The following METTL15 variants were observed in gnomAD, a reference collection of about 807,000 sequenced individuals.
The protein encoded by METTL15 is 12S rRNA N(4)-cytidine methyltransferase METTL15.
In METTL15, 34 loss-of-function variants were observed where a neutral mutation model predicts 38.3. The ratio of observed to expected loss-of-function variants is 0.89; its 90% CI spans 0.68 to 1.18. The LOEUF (loss-of-function observed/expected upper bound fraction) is 1.18, where lower values mean the gene tolerates loss of function less well. Among genes scored for constraint, METTL15 ranks in the 50% most tolerant of loss-of-function variants. The pLI is 0.00. For missense variants in METTL15, 438 were observed against 498.4 expected, an observed-to-expected ratio of 0.88 and a Z score of 1.15; for synonymous variants, 162 against 170.9, an observed-to-expected ratio of 0.95 and a Z score of 0.41.
intron 3 of METTL15, among the ~76,000 whole-genome samples, chr11:28,177,159 A>G (rs1851107265): frequency 6.6e-6 from 1 of 152,000 alleles, no homozygotes; most frequent in Non-Finnish European, 1.5e-5. Context: ...CAGTGTGTGA[A>G]AGAATATATA....
intron 6 of METTL15, among the ~76,000 whole-genome samples, chr11:28,311,516 G>A (rs534481590): frequency 6.6e-6 from 1 of 152,262 alleles, no homozygotes; most frequent in Admixed American, 6.5e-5. Flanking sequence ...CAAGGATAGA[G>A]CAACCATATG....
intron 6 of METTL15, among the ~76,000 whole-genome samples, chr11:28,486,103 A>G (rs545030071): frequency 6.6e-6 from 1 of 152,322 alleles, no homozygotes; most frequent in African/African-American, 2.4e-5. Flanking sequence ...TAGCGCTATG[A>G]GAAGGGGAGT....
intron 4 of METTL15, among the ~76,000 whole-genome samples, chr11:28,269,652 C>T (rs1855565275): frequency 6.6e-6 from 1 of 152,142 alleles, no homozygotes; most frequent in Non-Finnish European, 1.5e-5. Flanking sequence ...CATTTGTTTA[C>T]TATCAGCACT....
At chr11:28,208,283 G>A (rs933945623) in intron 3 of METTL15, among the ~76,000 whole-genome samples, 3 of 152,146 alleles carry the variant, frequency 2.0e-5, no homozygotes, top group African/African-American at 4.8e-5. Flanking sequence ...TGCTTTGAAT[G>A]TGTCCCAGAG....
At chr11:28,308,579 T>A (rs1857159494) in intron 6 of METTL15, among the ~76,000 whole-genome samples, 1 of 152,202 alleles carries the variant, frequency 6.6e-6, no homozygotes, top group Non-Finnish European at 1.5e-5. Flanking sequence ...GTTCTTGAAA[T>A]TAGCTATAAC....
intron 5 of METTL15, among the ~76,000 whole-genome samples, chr11:28,395,901 A>G (rs577282591): frequency 2.6e-4 from 39 of 152,290 alleles, no homozygotes; most frequent in African/African-American, 9.1e-4. Flanking sequence ...ATCCACCATG[A>G]TCAAGTGGGC....
intron 3 of METTL15, among the ~76,000 whole-genome samples, chr11:28,182,610 T>G (rs1403788858): frequency 6.6e-6 from 1 of 152,144 alleles, no homozygotes; most frequent in Non-Finnish European, 1.5e-5. Context: ...GTTTCATTGG[T>G]CTATATATCT....
chr11:28,301,995 AGCTGTG>A (rs1024020967), intron 6 of METTL15, among the ~76,000 whole-genome samples: 6 of 152,106 alleles, frequency 3.9e-5, no homozygotes, highest in Admixed American at 3.9e-4. Context: ...GGCTGCAGTG[AGCTGTG>A]AGGATCAAGC....
At chr11:28,427,673 G>T (rs1160193213) in intron 6 of METTL15, among the ~76,000 whole-genome samples, 1 of 152,008 alleles carries the variant, frequency 6.6e-6, no homozygotes, top group Non-Finnish European at 1.5e-5. Context: ...GTATTCCTAG[G>T]TATTTTATTC....
intron 3 of METTL15, among the ~76,000 whole-genome samples, chr11:28,148,959 C>T (rs989602394): frequency 2.0e-5 from 3 of 151,890 alleles, no homozygotes; most frequent in Non-Finnish European, 2.9e-5. Context: ...CATAATAATA[C>T]TGCGTTAAAA....
chr11:28,493,404 G>A (rs529400624), intron 6 of METTL15, among the ~76,000 whole-genome samples: 10 of 152,092 alleles, frequency 6.6e-5, no homozygotes, highest in Admixed American at 3.3e-4. Flanking sequence ...TGAAGCTTCC[G>A]TTAGTTATTT....
chr11:28,348,678 A>G (rs1850016518), intron 3 of METTL15, among the ~76,000 whole-genome samples: 1 of 137,264 alleles, frequency 7.3e-6, no homozygotes. Context: ...TTGTCTATCC[A>G]TTTATGTATG....
intron 4 of METTL15, among the ~76,000 whole-genome samples, chr11:28,216,794 G>C (rs922987572): frequency 1.4e-5 from 2 of 142,778 alleles, no homozygotes; most frequent in African/African-American, 5.3e-5. Flanking sequence ...TCCAACCTAT[G>C]AGTGAGAACA....
intron 4 of METTL15, among the ~76,000 whole-genome samples, chr11:28,236,491 T>C (rs1853981670): frequency 6.6e-6 from 1 of 152,350 alleles, no homozygotes; most frequent in East Asian, 1.9e-4. Context: ...CAGATTCTGT[T>C]ATTGGTCTAT....
intron 6 of METTL15, among the ~76,000 whole-genome samples, chr11:28,456,512 G>A (rs1245602275): frequency 6.6e-6 from 1 of 151,426 alleles, no homozygotes; most frequent in Non-Finnish European, 1.5e-5. Flanking sequence ...CGCGATCTCA[G>A]CTCTCTGTAA....
chr11:28,152,868 C>G (rs1342986837), intron 3 of METTL15, among the ~76,000 whole-genome samples: 1 of 151,924 alleles, frequency 6.6e-6, no homozygotes, highest in Non-Finnish European at 1.5e-5. Context: ...ATATCCTAAA[C>G]AGGGGTAGAT....
At chr11:28,209,942 T>C (rs545418419) in intron 3 of METTL15, among the ~76,000 whole-genome samples, 1 of 152,006 alleles carries the variant, frequency 6.6e-6, no homozygotes, top group East Asian at 1.9e-4. Flanking sequence ...ATTATTAGAG[T>C]AATTGTTTTA....
chr11:28,116,364 G>T (rs1851957700), intron 3 of METTL15, among the ~76,000 whole-genome samples: 1 of 152,116 alleles, frequency 6.6e-6, no homozygotes, highest in South Asian at 2.1e-4. Context: ...TTAGTGTACT[G>T]ACTTCAGAAA....
At chr11:28,308,742 A>G (rs1169225365) in intron 6 of METTL15, among the ~76,000 whole-genome samples, 1 of 152,092 alleles carries the variant, frequency 6.6e-6, no homozygotes, top group East Asian at 1.9e-4. Context: ...GATAACGTTT[A>G]GTTTCCCCAA....
Sources: allele counts gnomAD v4.1 joint callset (sites outside exome capture counted in the v4.1 genomes callset), GRCh38; gene constraint gnomAD v4.1.1; transcripts MANE v1.5; gene names NCBI Gene and HGNC (gene_info 2026-07-23, HGNC 2026-07-21).